The following MCPH1 variants were observed in gnomAD, a reference collection of about 807,000 sequenced individuals.
The protein encoded by MCPH1 is microcephalin 1.
MCPH1 carries 104 observed loss-of-function variants against 84.5 expected under a neutral mutation model. The observed-to-expected ratio is 1.23, with a 90% CI of 1.05 to 1.45. The LOEUF (loss-of-function observed/expected upper bound fraction) is 1.45. Among genes scored for constraint, MCPH1 ranks in the 40% most tolerant of loss-of-function variants. The pLI, the probability that MCPH1 is intolerant of heterozygous loss-of-function variation, is 0.00. For missense variants in MCPH1, 1,498 were observed against 1,005.7 expected, an observed-to-expected ratio of 1.49 and a Z score of -6.62; for synonymous variants, 514 against 366.8, an observed-to-expected ratio of 1.40 and a Z score of -4.58.
intron 9 of MCPH1, among the ~76,000 whole-genome samples, chr8:6,456,241 C>T (rs1585876768): frequency 6.6e-6 from 1 of 152,104 alleles, no homozygotes; most frequent in Non-Finnish European, 1.5e-5. Context: ...CTGTCAGGGT[C>T]CCATAACATG....
chr8:6,514,872 C>G, intron 12 of MCPH1: 1 of 1,061,172 alleles, frequency 9.4e-7, no homozygotes, highest in Non-Finnish European at 1.4e-6. Context: ...GAGTGCAGGA[C>G]TCAGCCGAGA....
chr8:6,438,709 G>A (rs1469690273), intron 5 of MCPH1, among the ~76,000 whole-genome samples: 1 of 152,214 alleles, frequency 6.6e-6, no homozygotes, highest in East Asian at 1.9e-4. Flanking sequence ...ATGCACTAAT[G>A]CATATATTGT....
intron 12 of MCPH1, among the ~76,000 whole-genome samples, chr8:6,530,545 C>T (rs1819294198): frequency 8.2e-6 from 1 of 122,586 alleles, no homozygotes; most frequent in Admixed American, 8.8e-5. Flanking sequence ...ATGGCAAAAT[C>T]TGCAGTTACT....
intron 2 of MCPH1, among the ~76,000 whole-genome samples, chr8:6,411,452 G>A (rs1232707224): frequency 6.6e-6 from 1 of 152,214 alleles, no homozygotes; most frequent in East Asian, 1.9e-4. Flanking sequence ...CAAGAGTGAT[G>A]ATGCTGGCAA....
intron 12 of MCPH1, chr8:6,500,217 G>C: frequency 2.4e-6 from 1 of 408,850 alleles, no homozygotes; most frequent in Non-Finnish European, 4.6e-6. Flanking sequence ...GAATTCTTGG[G>C]CAGGTAGTCT....
intron 12 of MCPH1, among the ~76,000 whole-genome samples, chr8:6,595,672 T>G (rs996214610): frequency 6.6e-6 from 1 of 151,732 alleles, no homozygotes; most frequent in Non-Finnish European, 1.5e-5. Flanking sequence ...AAGAGTGCAC[T>G]GTCCAACAAG....
At position 6,519,332 on chromosome 8, in the gene MCPH1, G is replaced by A. The variant is rs1329761051; in HGVS notation, c.2214+19403G>A. ...TTGCTCAGATAGAGCAAAAACCATG[G>A]TGGGTAAAACTGCCACCATCCCCGT... is the stretch of plus-strand genomic sequence containing the variant. On this transcript the variant is annotated intron_variant, in intron 12 of 13. Coordinates refer to ENST00000344683, the MANE Select transcript of MCPH1 (RefSeq NM_024596.5). Among the ~76,000 whole-genome samples the A allele has an allele frequency of 2.0e-5, 3 of 152,290 alleles. No homozygotes were observed. The East Asian group carries it at 5.8e-4, about 29-fold the overall frequency.
chr8:6,513,009 C>G (rs1161640531), intron 12 of MCPH1, among the ~76,000 whole-genome samples: 2 of 152,196 alleles, frequency 1.3e-5, no homozygotes, highest in African/African-American at 2.4e-5. Flanking sequence ...AATAAAACAG[C>G]ACAGTCACAA....
intron 12 of MCPH1, among the ~76,000 whole-genome samples, chr8:6,617,900 A>ATCTAATCTATCTATCTATCT (rs1554480975): frequency 1.3e-4 from 19 of 143,130 alleles, no homozygotes; most frequent in Admixed American, 7.1e-4. Flanking sequence ...CTATCTATCT[A>ATCTAATCTATCTATCTATCT]ATCTATCTAT....
At position 6,597,247 on chromosome 8, in the gene MCPH1, G is replaced by A. The variant is rs1256401864; in HGVS notation, c.2215-24207G>A. ...TGGCTGCTCACAAGGCACCATGGAC[G>A]CCGTCTTTACCATCATCACTGTCGA... On this transcript the variant is annotated intron_variant, in intron 12 of 13. Transcript: ENST00000344683. Among the ~76,000 whole-genome samples the A allele has an allele frequency of 3.3e-5, 5 of 152,276 alleles. No individual in the cohort carries two copies. In the East Asian group the frequency reaches 5.8e-4, roughly 18 times the overall value.
At chr8:6,411,309 C>G (rs929587515) in intron 2 of MCPH1, among the ~76,000 whole-genome samples, 2 of 151,996 alleles carry the variant, frequency 1.3e-5, no homozygotes, top group East Asian at 3.9e-4. Flanking sequence ...ATAAGGAAGC[C>G]AGTGAAGGTT....
At chr8:6,563,252 A>T in intron 12 of MCPH1, 1 of 201,902 alleles carries the variant, frequency 5.0e-6, no homozygotes, top group South Asian at 1.3e-4. Context: ...CAGTATCCGA[A>T]TCAATCACTT....
At chr8:6,502,996 C>T in intron 12 of MCPH1, 4 of 1,355,922 alleles carry the variant, frequency 3.0e-6, no homozygotes, top group South Asian at 2.7e-5. Flanking sequence ...CGAGCACACG[C>T]CCTCTGTGGT....
At chr8:6,614,756 G>T (rs1746379069) in intron 12 of MCPH1, among the ~76,000 whole-genome samples, 1 of 152,170 alleles carries the variant, frequency 6.6e-6, no homozygotes, top group South Asian at 2.1e-4. Context: ...ACACATGCCT[G>T]TGTGGCCCCC....
chr8:6,588,658 G>A (rs565832688), intron 12 of MCPH1, among the ~76,000 whole-genome samples: 55 of 152,360 alleles, frequency 3.6e-4, no homozygotes, highest in African/African-American at 1.3e-3. Context: ...GGCTTCACCC[G>A]CTGCTCTCCC....
At chr8:6,447,545 T>G (rs1804578188) in intron 8 of MCPH1, 1 of 572,162 alleles carries the variant, frequency 1.7e-6, no homozygotes, top group Non-Finnish European at 2.2e-6. Context: ...GGTTTTGTTT[T>G]GTTTTGTTTT....
At chr8:6,604,258 G>A (rs1258453923) in intron 12 of MCPH1, among the ~76,000 whole-genome samples, 7 of 152,116 alleles carry the variant, frequency 4.6e-5, no homozygotes, top group African/African-American at 1.7e-4. Context: ...ACGGAGCCCT[G>A]TTCTCAGCCC....
intron 12 of MCPH1, among the ~76,000 whole-genome samples, chr8:6,520,675 C>T (rs563220584): frequency 8.0e-4 from 122 of 152,266 alleles, no homozygotes; most frequent in African/African-American, 2.8e-3. Flanking sequence ...CAATTAGAGG[C>T]GTGATCCACC....
In MCPH1 at chr8:6,600,206, C is replaced by G. The variant is rs147518249; in HGVS notation, c.2215-21248C>G. On this transcript the variant is annotated intron_variant, in intron 12 of 13. Coordinates refer to ENST00000344683, the MANE Select transcript of MCPH1 (RefSeq NM_024596.5). ...GTCAAATCTGCAAAACCTACTCATC[C>G]TGGCAAGAGTGCGGTATTTTTAAGA... Among the ~76,000 whole-genome samples, 1,014 of 152,326 alleles carry G rather than the reference C, an allele frequency of 6.7e-3. 11 individuals carry two copies. Among genetic ancestry groups the G allele is most frequent in the African/African-American group, 0.023 (963 of 41,570 alleles).
Sources: gnomAD v4.1 joint callset for allele counts (sites outside exome capture counted in the v4.1 genomes callset) on GRCh38, gnomAD v4.1.1 for gene constraint, MANE v1.5 for transcripts, NCBI Gene and HGNC (gene_info 2026-07-23, HGNC 2026-07-21) for gene names.